Variants in SH3GL3 observed in about 807,000 individuals in gnomAD.
SH3GL3 encodes endophilin-A3.
A neutral mutation model predicts 47.7 loss-of-function variants in SH3GL3; 33 were observed. The observed-to-expected ratio is 0.69, with a 90% CI of 0.52 to 0.92. SH3GL3 has a LOEUF of 0.92. Ranked by LOEUF, SH3GL3 falls within the 40% of genes least tolerant of loss-of-function variation. SH3GL3 has a pLI of 0.00. For synonymous variants in SH3GL3, 155 were observed against 148.8 expected (o/e 1.04, Z -0.30); for missense variants, 363 against 417.8 (o/e 0.87, Z 1.14).
At chr15:83,618,939 C>A (rs1244141535), downstream of SH3GL3, among the ~76,000 whole-genome samples, 1 of 152,226 alleles carries the variant, frequency 6.6e-6, no homozygotes, top group Non-Finnish European at 1.5e-5. Flanking sequence ...AGCCCTTCTA[C>A]TTACCTTCAA....
At chr15:83,596,253 C>G (rs2060235138) in intron 8 of SH3GL3, among the ~76,000 whole-genome samples, 1 of 152,072 alleles carries the variant, frequency 6.6e-6, no homozygotes, top group African/African-American at 2.4e-5. Context: ...ATGAATCATA[C>G]CCTTTTAAAT....
At chr15:83,591,372 T>C (rs1359631569) in intron 8 of SH3GL3, among the ~76,000 whole-genome samples, 1 of 152,218 alleles carries the variant, frequency 6.6e-6, no homozygotes, top group African/African-American at 2.4e-5. Context: ...ACTTAAGTCA[T>C]TTATTTTGCC....
chr15:83,505,111 G>A (rs1446935586), intron 1 of SH3GL3, among the ~76,000 whole-genome samples: 2 of 152,004 alleles, frequency 1.3e-5, no homozygotes, highest in South Asian at 2.1e-4. Context: ...ACTTACATAC[G>A]TATCTGTTCT....
chr15:83,482,012 A>G (rs1478296140), intron 1 of SH3GL3, among the ~76,000 whole-genome samples: 1 of 152,228 alleles, frequency 6.6e-6, no homozygotes, highest in African/African-American at 2.4e-5. Context: ...TTGTCCTCTC[A>G]GCAATAGTGT....
At chr15:83,608,520 T>C (rs775389709) in intron 8 of SH3GL3, among the ~76,000 whole-genome samples, 11 of 152,224 alleles carry the variant, frequency 7.2e-5, no homozygotes, top group Non-Finnish European at 1.3e-4. Context: ...AAATGAATTC[T>C]GCTATAAGAA....
the SH3GL3 span, among the ~76,000 whole-genome samples, chr15:83,626,554 A>T: frequency 2.0e-5 from 3 of 152,280 alleles, no homozygotes; most frequent in South Asian, 6.2e-4. Context: ...CAGGAATAAG[A>T]TGATATTTTG....
intron 2 of SH3GL3, among the ~76,000 whole-genome samples, chr15:83,564,251 A>G (rs948499365): frequency 3.3e-5 from 5 of 152,212 alleles, no homozygotes; most frequent in Non-Finnish European, 5.9e-5. Flanking sequence ...AAAAAAAGAA[A>G]AAATTGAAAT....
At chr15:83,562,276 T>C (rs1398934898) in intron 2 of SH3GL3, among the ~76,000 whole-genome samples, 2 of 152,208 alleles carry the variant, frequency 1.3e-5, no homozygotes, top group African/African-American at 2.4e-5. Flanking sequence ...AGTATGTGCA[T>C]GTCAGGGCCT....
the SH3GL3 span, among the ~76,000 whole-genome samples, chr15:83,631,627 T>C: frequency 6.6e-6 from 1 of 152,234 alleles, no homozygotes; most frequent in Non-Finnish European, 1.5e-5. Context: ...GAGCTGTACC[T>C]TGGCACCCTT....
At chr15:83,603,305 G>T (rs143922159) in intron 8 of SH3GL3, among the ~76,000 whole-genome samples, 2 of 152,146 alleles carry the variant, frequency 1.3e-5, no homozygotes, top group African/African-American at 2.4e-5. Context: ...CTTAAAAAAC[G>T]TAATGAGCTT....
chr15:83,460,973 C>T (rs1480546942), intron 1 of SH3GL3, among the ~76,000 whole-genome samples: 9 of 151,976 alleles, frequency 5.9e-5, no homozygotes, highest in Non-Finnish European at 1.0e-4. Context: ...TTCCCAGCTA[C>T]TCAGGAGGCT....
chr15:83,618,093 C>G lies in SH3GL3; in HGVS notation c.850C>G (p.Pro284Ala), dbSNP rs765011085. Residue 284 changes from proline (P) to alanine (A), a missense_variant, in exon 9 of 9, where the codon CCC (proline) becomes GCC (alanine). Pro to Ala is a conservative substitution (Grantham distance 27). Coordinates refer to ENST00000427482, the MANE Select transcript of SH3GL3 (RefSeq NM_003027.5). ...SVVKTTGSNI[P>A]MDQPCCRGLY... ...TATCATGTGGACAGGTTCTAACATT[C>G]CCATGGACCAGCCCTGCTGTCGTGG... The G allele has an allele frequency of 8.1e-6, 13 of 1,611,480 alleles. No individual in the cohort carries two copies. Among genetic ancestry groups the G allele is most frequent in the Non-Finnish European group, 1.1e-5 (13 of 1,177,692 alleles).
At chr15:83,483,611 A>G (rs1350480198) in intron 1 of SH3GL3, among the ~76,000 whole-genome samples, 1 of 152,204 alleles carries the variant, frequency 6.6e-6, no homozygotes, top group Non-Finnish European at 1.5e-5. Context: ...AAATTAATGG[A>G]TGCAGCAAGG....
intron 8 of SH3GL3, 61 bp from the exon 9 acceptor site, chr15:83,618,021 A>G (rs188203579): frequency 1.3e-4 from 153 of 1,170,286 alleles, no homozygotes; most frequent in African/African-American, 2.4e-4. Flanking sequence ...CACATTTCCA[A>G]TTTCCCATGG....
chr15:83,459,716 A>G lies in SH3GL3; in HGVS notation c.45+12138A>G, dbSNP rs149146808. On this transcript the variant is annotated intron_variant, in intron 1 of 8. Coordinates refer to ENST00000427482, the MANE Select transcript of SH3GL3 (RefSeq NM_003027.5). ...ATTGAAAGTGCTGCCTTCTTCATTT[A>G]AAATGATAATTTCATTTCTTGAGAT... Among the ~76,000 whole-genome samples the G allele has an allele frequency of 1.2e-3, 176 of 152,358 alleles. 2 individuals carry two copies. The highest frequency in any genetic ancestry group is 4.0e-3 in the African/African-American group (165 of 41,588).
At chr15:83,457,494 G>A (rs2040055404) in intron 1 of SH3GL3, among the ~76,000 whole-genome samples, 1 of 152,168 alleles carries the variant, frequency 6.6e-6, no homozygotes, top group Non-Finnish European at 1.5e-5. Flanking sequence ...GAGGGGCCTG[G>A]ACGTATTCCC....
rs137900293 is a variant in SH3GL3, at chr15:83,590,250, G to A, written c.838+1479G>A. 3.1e-3 allele frequency among the ~76,000 whole-genome samples: 467 copies of A among 152,048 alleles called. 3 individuals carry two copies. The highest frequency in any genetic ancestry group is 0.011 in the African/African-American group (437 of 41,494). On this transcript the variant is annotated intron_variant, in intron 8 of 8. Coordinates refer to ENST00000427482, the MANE Select transcript of SH3GL3 (RefSeq NM_003027.5). Reference sequence around the variant, plus strand: ...CCCTTTGTTGTTTTTGCTGTTGTTTGCTTTGTTTAGTTTTGCTTTGAGTAT... The same window carrying A: ...CCCTTTGTTGTTTTTGCTGTTGTTTACTTTGTTTAGTTTTGCTTTGAGTAT...
intron 8 of SH3GL3, among the ~76,000 whole-genome samples, chr15:83,589,219 A>G (rs2060029617): frequency 1.3e-5 from 2 of 152,314 alleles, no homozygotes; most frequent in Middle Eastern, 3.4e-3. Flanking sequence ...AAAAAATTTA[A>G]TGGTATAAGT....
intron 8 of SH3GL3, among the ~76,000 whole-genome samples, chr15:83,596,506 A>C (rs1465661330): frequency 6.6e-6 from 1 of 152,132 alleles, no homozygotes; most frequent in African/African-American, 2.4e-5. Context: ...GGATTTGTCT[A>C]TTTCTCCTGG....
Sources: allele counts gnomAD v4.1 joint callset (sites outside exome capture counted in the v4.1 genomes callset), GRCh38; gene constraint gnomAD v4.1.1; transcripts MANE v1.5; gene names NCBI Gene and HGNC (gene_info 2026-07-23, HGNC 2026-07-21).